Variants in KPNA7 observed in about 807,000 individuals in gnomAD.
KPNA7 encodes importin subunit alpha-8.
A neutral mutation model predicts 53.7 loss-of-function variants in KPNA7; 54 were observed. The observed-to-expected ratio is 1.01, with a 90% CI of 0.81 to 1.26. The LOEUF (loss-of-function observed/expected upper bound fraction) is 1.26, where lower values mean the gene tolerates loss of function less well. Ranked by LOEUF, KPNA7 falls within the 50% of genes most tolerant of loss-of-function variation. KPNA7 has a pLI of 0.00. For missense variants in KPNA7, 640 were observed against 644.5 expected (o/e 0.99, Z 0.07); for synonymous variants, 276 against 259.3 (o/e 1.06, Z -0.62).
At chr7:99,211,781 A>G (rs13309003), upstream of KPNA7, among the ~76,000 whole-genome samples, 9,276 of 152,200 alleles carry the variant, frequency 0.061, 316 homozygotes, top group South Asian at 0.15. Context: ...GCTTTAAAGC[A>G]TTAGTTTCCT....
intron 10 of KPNA7, among the ~76,000 whole-genome samples, chr7:99,177,468 G>C (rs1478986641): frequency 6.6e-6 from 1 of 151,050 alleles, no homozygotes; most frequent in African/African-American, 2.4e-5. Context: ...CCAGCTTCTC[G>C]GGTCAATGAG....
chr7:99,216,241 C>T (rs1297955920), intron 1 of KPNA7, among the ~76,000 whole-genome samples: 2 of 152,070 alleles, frequency 1.3e-5, no homozygotes. Flanking sequence ...ATTGCCCAGG[C>T]TTGTCTCGAA....
chr7:99,170,895 C>G (rs1407217677), downstream of KPNA7, among the ~76,000 whole-genome samples: 1 of 152,140 alleles, frequency 6.6e-6, no homozygotes, highest in Non-Finnish European at 1.5e-5. Context: ...GTCATAGTTT[C>G]CAGTCTAGAA....
At chr7:99,180,137 C>T (rs573592361) in intron 9 of KPNA7, among the ~76,000 whole-genome samples, 2 of 152,212 alleles carry the variant, frequency 1.3e-5, no homozygotes, top group Non-Finnish European at 2.9e-5. Context: ...TGTGAGGACA[C>T]TCAGGCAGCC....
chr7:99,205,152 G>A (rs538192098), intron 2 of KPNA7, among the ~76,000 whole-genome samples: 21 of 151,900 alleles, frequency 1.4e-4, no homozygotes, highest in Non-Finnish European at 2.8e-4. Flanking sequence ...GGCCAGGCAC[G>A]GTGGCTCATG....
intron 10 of KPNA7, among the ~76,000 whole-genome samples, chr7:99,175,187 G>C (rs1798852660): frequency 6.6e-6 from 1 of 152,048 alleles, no homozygotes; most frequent in African/African-American, 2.4e-5. Flanking sequence ...ACCATTCTAG[G>C]TCTGGTCTCC....
At chr7:99,174,327 C>T (rs1392376027) in intron 10 of KPNA7, among the ~76,000 whole-genome samples, 1 of 152,162 alleles carries the variant, frequency 6.6e-6, no homozygotes, top group Non-Finnish European at 1.5e-5. Context: ...GAAAAGATCT[C>T]AGGGTTCCCA....
At chr7:99,216,858 A>G (rs1791233706) in intron 1 of KPNA7, among the ~76,000 whole-genome samples, 1 of 152,168 alleles carries the variant, frequency 6.6e-6, no homozygotes, top group Admixed American at 6.6e-5. Flanking sequence ...CACCATGCCC[A>G]GCCACCTCTT....
chr7:99,194,761 T>A (rs181773118), intron 5 of KPNA7, among the ~76,000 whole-genome samples: 8 of 152,072 alleles, frequency 5.3e-5, no homozygotes, highest in Admixed American at 5.2e-4. Flanking sequence ...TGCACCACCA[T>A]GCCTGGCTAA....
intron 7 of KPNA7, 37 bp from the exon 8 acceptor site, chr7:99,185,199 T>C (rs1188085104): frequency 1.4e-6 from 2 of 1,438,362 alleles, no homozygotes; most frequent in South Asian, 1.2e-5. Context: ...GTATTTCAAG[T>C]CTATCCCAGG....
intron 3 of KPNA7, among the ~76,000 whole-genome samples, chr7:99,200,007 A>T (rs1174023157): frequency 6.6e-6 from 1 of 152,100 alleles, no homozygotes; most frequent in East Asian, 1.9e-4. Context: ...TGCTCAAGCT[A>T]TTCTCCTGCT....
chr7:99,209,547 G>A (rs1231842983), upstream of KPNA7, among the ~76,000 whole-genome samples: 2 of 151,918 alleles, frequency 1.3e-5, no homozygotes, highest in Non-Finnish European at 2.9e-5. Flanking sequence ...GCCAGGCGTA[G>A]TGGCAGGCAC....
chr7:99,200,790 A>G (rs111269970), intron 3 of KPNA7, among the ~76,000 whole-genome samples: 12,048 of 152,208 alleles, frequency 0.079, 510 homozygotes, highest in South Asian at 0.15. Flanking sequence ...AGCCTGAACA[A>G]CATGGTGAAA....
intron 8 of KPNA7, among the ~76,000 whole-genome samples, chr7:99,182,604 G>C (rs1789323719): frequency 6.6e-6 from 1 of 151,980 alleles, no homozygotes; most frequent in Non-Finnish European, 1.5e-5. Flanking sequence ...CAAAGTGTTG[G>C]GATTATAGGC....
At chr7:99,149,666 C>T in the KPNA7 span, among the ~76,000 whole-genome samples, 1 of 152,184 alleles carries the variant, frequency 6.6e-6, no homozygotes, top group Non-Finnish European at 1.5e-5. Context: ...CTTGAGAGCA[C>T]ATTTCTGTTC....
chr7:99,201,958 T>TC (rs1403565874), intron 3 of KPNA7, among the ~76,000 whole-genome samples: 1 of 152,098 alleles, frequency 6.6e-6, no homozygotes, highest in East Asian at 1.9e-4. Flanking sequence ...TCCACCCACC[T>TC]CGGCCTCCCA....
At chr7:99,218,375 G>A (rs568883256) in intron 1 of KPNA7, among the ~76,000 whole-genome samples, 9 of 152,128 alleles carry the variant, frequency 5.9e-5, no homozygotes, top group Non-Finnish European at 1.0e-4. Flanking sequence ...CAAGAAGGAG[G>A]CAAGAGACCA....
At chr7:99,202,301 C>T (rs1181762628) in intron 3 of KPNA7, among the ~76,000 whole-genome samples, 4 of 152,094 alleles carry the variant, frequency 2.6e-5, no homozygotes, top group Non-Finnish European at 5.9e-5. Context: ...TATTGAGGTG[C>T]TAAGAAGGAA....
rs1487451362 is a variant in KPNA7 at position 99,203,406 on chromosome 7, TTC to T, written c.67-168_67-167del. Among the ~76,000 whole-genome samples the T allele has an allele frequency of 4.6e-5, 7 of 152,320 alleles. No individual in the cohort carries two copies. The East Asian group carries it at 1.3e-3, about 29-fold the overall frequency. Reference sequence around the variant, plus strand: ...TCATCTCAGCTCTGTTTACCTCCTCTTCTGTTTTCTGCTATACCACTTCTAGA... The same window carrying T: ...TCATCTCAGCTCTGTTTACCTCCTCTTGTTTTCTGCTATACCACTTCTAGA... On this transcript the variant is annotated intron_variant, in intron 2 of 10. Coordinates refer to ENST00000327442, the MANE Select transcript of KPNA7 (RefSeq NM_001145715.3).
Sources: allele counts gnomAD v4.1 joint callset (sites outside exome capture counted in the v4.1 genomes callset), GRCh38; gene constraint gnomAD v4.1.1; transcripts MANE v1.5; gene names NCBI Gene and HGNC (gene_info 2026-07-23, HGNC 2026-07-21).